RELN: variants seen among roughly 807,000 people sequenced by gnomAD.
RELN encodes reelin.
In RELN, 108 loss-of-function variants were observed where a neutral mutation model predicts 427.6. The observed-to-expected ratio is 0.25, with a 90% CI of 0.22 to 0.30. The LOEUF is 0.30. Ranked by LOEUF, RELN falls within the 10% of genes least tolerant of loss-of-function variation. The probability of loss-of-function intolerance (pLI) is 1.00; values close to 1 mark genes in which losing one functional copy is unlikely to be tolerated. For missense variants in RELN, 3,715 were observed against 4,302.8 expected, an observed-to-expected ratio of 0.86 and a Z score of 3.82; for synonymous variants, 1,524 against 1,513.4, an observed-to-expected ratio of 1.01 and a Z score of -0.16.
At chr7:103,504,168 C>A (rs888990587) in intron 51 of RELN, among the ~76,000 whole-genome samples, 1 of 152,150 alleles carries the variant, frequency 6.6e-6, no homozygotes, top group Admixed American at 6.6e-5. Context: ...TACGCCACTG[C>A]ACTCTAGCCT....
chr7:103,585,217 T>G (rs1181322530), intron 28 of RELN, among the ~76,000 whole-genome samples: 2 of 151,940 alleles, frequency 1.3e-5, no homozygotes, highest in East Asian at 1.9e-4. Flanking sequence ...AAAGCAGAAC[T>G]AAATGAAATT....
intron 2 of RELN, among the ~76,000 whole-genome samples, chr7:103,837,223 C>T (rs934120213): frequency 6.6e-6 from 1 of 152,156 alleles, no homozygotes. Flanking sequence ...CATGTTCCAT[C>T]AAAATGATTT....
chr7:103,478,336 C>A, intron 64 of RELN, 53 bp downstream of exon 64: 1 of 728,096 alleles, frequency 1.4e-6, no homozygotes, highest in South Asian at 1.5e-5. Context: ...AGTTTGGTGT[C>A]ACTGATGAAA....
chr7:103,711,203 T>C (rs544970477), intron 8 of RELN, among the ~76,000 whole-genome samples: 8 of 152,216 alleles, frequency 5.3e-5, no homozygotes, highest in Non-Finnish European at 1.0e-4. Context: ...CAATTTGTAA[T>C]TTGTTTTTAT....
Position 103,575,640 on chromosome 7 carries a change from T to C in RELN, c.4211A>G (p.Asp1404Gly), listed in dbSNP as rs1830980949. ...ACAAGGCTCGGATATGTACACTCCA[T>C]CTAAACCAAATGGAGGCACGTTTTT... ...SQKNVPPFGL[D>G]GVYISEPCPS... Residue 1404 changes from aspartate (D) to glycine (G), a missense_variant, in exon 29 of 65, where the codon GAT (aspartate) becomes GGT (glycine). Physicochemically the swap from Asp to Gly is moderately conservative, Grantham distance 94. This residue lies in a region of RELN where 2,208 missense variants were observed against 2,361.7 expected (regional missense o/e 0.93). Coordinates refer to ENST00000428762, the MANE Select transcript of RELN (RefSeq NM_005045.4). 6.2e-7 allele frequency: 1 copy of C among 1,614,114 alleles called. No individual in the cohort carries two copies. Among genetic ancestry groups the C allele is most frequent in the Non-Finnish European group, 8.5e-7 (1 of 1,179,994 alleles).
intron 41 of RELN, among the ~76,000 whole-genome samples, 165 bp from the exon 42 acceptor site, chr7:103,545,509 A>C (rs1410418849): frequency 6.6e-6 from 1 of 152,180 alleles, no homozygotes; most frequent in Non-Finnish European, 1.5e-5. Flanking sequence ...CTCAATCTCC[A>C]GGATTTTGCC....
intron 28 of RELN, 21 bp from the exon 29 acceptor site, chr7:103,575,726 C>G (rs1157142697): frequency 6.2e-7 from 1 of 1,613,826 alleles, no homozygotes; most frequent in Non-Finnish European, 8.5e-7. Context: ...AAACAACACA[C>G]CTGTTTCTTG....
At chr7:103,551,469 A>T (rs1029722947) in intron 40 of RELN, among the ~76,000 whole-genome samples, 173 bp from the exon 41 acceptor site, 4 of 152,220 alleles carry the variant, frequency 2.6e-5, no homozygotes, top group African/African-American at 9.6e-5. Flanking sequence ...TTACCTTGAA[A>T]TTATAATTTT....
intron 2 of RELN, among the ~76,000 whole-genome samples, chr7:103,911,731 ATT>A (rs1795371008): frequency 7.1e-6 from 1 of 141,794 alleles, no homozygotes; most frequent in Non-Finnish European, 1.5e-5. Flanking sequence ...GGAAATCATC[ATT>A]CTCAGTAAAC....
intron 28 of RELN, among the ~76,000 whole-genome samples, chr7:103,585,043 C>T (rs1282943691): frequency 3.3e-5 from 5 of 151,582 alleles, no homozygotes; most frequent in African/African-American, 1.2e-4. Flanking sequence ...CATACCAAAA[C>T]CTCTGAGATA....
chr7:103,733,873 T>C (rs1790423716), intron 6 of RELN, among the ~76,000 whole-genome samples: 1 of 151,798 alleles, frequency 6.6e-6, no homozygotes, highest in Non-Finnish European at 1.5e-5. Flanking sequence ...CGCACCAGCA[T>C]GGCACATGTA....
intron 19 of RELN, among the ~76,000 whole-genome samples, chr7:103,631,292 T>C (rs1334880911): frequency 1.5e-5 from 1 of 68,434 alleles, no homozygotes; most frequent in Non-Finnish European, 2.8e-5. Context: ...ACTTCTTTTT[T>C]TTTTTTTTTT....
intron 45 of RELN, among the ~76,000 whole-genome samples, chr7:103,536,688 G>A: frequency 6.6e-6 from 1 of 152,074 alleles, no homozygotes; most frequent in African/African-American, 2.4e-5. Flanking sequence ...TTATTTTGAG[G>A]GACATCATTC....
chr7:103,652,847 TGTA>T (rs1832951443), intron 13 of RELN, 88 bp from the exon 14 acceptor site: 1 of 1,108,866 alleles, frequency 9.0e-7, no homozygotes. Flanking sequence ...ATGAACGCTA[TGTA>T]CATAACTGCC....
chr7:103,917,640 G>T (rs561929189), intron 1 of RELN, among the ~76,000 whole-genome samples: 2 of 150,340 alleles, frequency 1.3e-5, no homozygotes, highest in East Asian at 3.9e-4. Flanking sequence ...ATTTCTTATT[G>T]TGAGTCCATA....
chr7:103,729,344 A>G (rs1422039956), intron 6 of RELN, among the ~76,000 whole-genome samples: 2 of 152,190 alleles, frequency 1.3e-5, no homozygotes, highest in Non-Finnish European at 2.9e-5. Context: ...GAAGAAGACA[A>G]AAGTGTGAAA....
chr7:103,563,092 C>T lies in RELN; in HGVS notation c.5211-1139G>A, dbSNP rs1280388394. ...GACATCAACTCCTTCAGAAAGCTCC[C>T]TCCAGTTCTCCCCAAATGAGTTAGG... is the stretch of plus-strand genomic sequence containing the variant. On this transcript the variant is annotated intron_variant, in intron 34 of 64. Transcript: ENST00000428762. This position sits in a 1 kb window ranked among gnomAD's most constrained non-coding sequence, Gnocchi z 4.1. 6.6e-6 allele frequency among the ~76,000 whole-genome samples: 1 copy of T among 152,186 alleles called. No individual in the cohort carries two copies. The highest frequency in any genetic ancestry group is 2.4e-5 in the African/African-American group (1 of 41,446).
chr7:103,970,922 G>A (rs1448313623), intron 1 of RELN, among the ~76,000 whole-genome samples: 1 of 152,152 alleles, frequency 6.6e-6, no homozygotes, highest in East Asian at 1.9e-4. Flanking sequence ...TTGGGAAGTT[G>A]AGGCGGGTGG....
intron 1 of RELN, among the ~76,000 whole-genome samples, chr7:103,964,766 GTTCA>G (rs1241005131): frequency 6.6e-6 from 1 of 152,170 alleles, no homozygotes; most frequent in Non-Finnish European, 1.5e-5. Flanking sequence ...AAATACTTTA[GTTCA>G]TTAAGTCCTC....
Sources: allele counts gnomAD v4.1 joint callset (sites outside exome capture counted in the v4.1 genomes callset), GRCh38; gene constraint gnomAD v4.1.1; regional missense constraint gnomAD v4.1.1; non-coding constraint Gnocchi (gnomAD v3.1); transcripts MANE v1.5; gene names NCBI Gene and HGNC (gene_info 2026-07-23, HGNC 2026-07-21).